FGGY: variants seen among roughly 807,000 people sequenced by gnomAD.
FGGY encodes the protein FGGY carbohydrate kinase domain-containing protein.
FGGY carries 72 observed loss-of-function variants against 71.3 expected under a neutral mutation model. That is an observed-to-expected ratio of 1.01 (90% CI 0.84 to 1.23). The LOEUF is 1.23. Among genes scored for constraint, FGGY ranks in the 50% most tolerant of loss-of-function variants. The pLI is 0.00. For missense variants in FGGY, 668 were observed against 682.3 expected (o/e 0.98, Z 0.23); for synonymous variants, 251 against 250.3 (o/e 1.00, Z -0.02).
At chr1:59,518,242 T>C (rs2094720030) in intron 7 of FGGY, among the ~76,000 whole-genome samples, 1 of 152,202 alleles carries the variant, frequency 6.6e-6, no homozygotes, top group Non-Finnish European at 1.5e-5. Flanking sequence ...GAACAACACA[T>C]AGTTTGTTCC....
At chr1:59,727,137 G>A (rs1185842830) in intron 14 of FGGY, among the ~76,000 whole-genome samples, 2 of 152,144 alleles carry the variant, frequency 1.3e-5, no homozygotes, top group African/African-American at 4.8e-5. Context: ...GTGAGAATAT[G>A]TGGTATTTGG....
chr1:59,648,753 A>G (rs984034101), intron 11 of FGGY, among the ~76,000 whole-genome samples: 7 of 151,384 alleles, frequency 4.6e-5, no homozygotes, highest in African/African-American at 1.7e-4. Context: ...CTTTAGTTTA[A>G]TTAGATCCCA....
At chr1:59,638,886 C>T (rs538512157) in intron 11 of FGGY, among the ~76,000 whole-genome samples, 3 of 152,196 alleles carry the variant, frequency 2.0e-5, no homozygotes, top group Non-Finnish European at 4.4e-5. Flanking sequence ...AAATCCTGCT[C>T]TTAGTGCCCT....
chr1:59,490,653 G>A (rs1450392472), intron 6 of FGGY, among the ~76,000 whole-genome samples: 1 of 152,082 alleles, frequency 6.6e-6, no homozygotes, highest in Non-Finnish European at 1.5e-5. Context: ...ATAGTTGCAG[G>A]TCTTGTGTTT....
chr1:59,578,117 C>T (rs1437545787), intron 8 of FGGY, among the ~76,000 whole-genome samples: 1 of 152,050 alleles, frequency 6.6e-6, no homozygotes, highest in Non-Finnish European at 1.5e-5. Context: ...ATGATTGTAT[C>T]TGAGAGAGTA....
At chr1:59,657,335 G>A (rs2097228704) in intron 11 of FGGY, among the ~76,000 whole-genome samples, 1 of 152,180 alleles carries the variant, frequency 6.6e-6, no homozygotes, top group South Asian at 2.1e-4. Flanking sequence ...CCAGAGAGAG[G>A]AAGCCAAAGG....
At chr1:59,748,613 C>A (rs972225254) in intron 14 of FGGY, among the ~76,000 whole-genome samples, 6 of 152,208 alleles carry the variant, frequency 3.9e-5, no homozygotes, top group Non-Finnish European at 8.8e-5. Flanking sequence ...TCCTGAAGTT[C>A]TAGTCCACCC....
intron 5 of FGGY, among the ~76,000 whole-genome samples, chr1:59,384,317 A>C (rs1030736051): frequency 6.6e-6 from 1 of 151,904 alleles, no homozygotes. Flanking sequence ...CTTGGGTACC[A>C]GGTTCCTCTT....
At chr1:59,556,146 C>T (rs2095682884) in intron 8 of FGGY, among the ~76,000 whole-genome samples, 1 of 152,216 alleles carries the variant, frequency 6.6e-6, no homozygotes, top group African/African-American at 2.4e-5. Flanking sequence ...CCCTTCTTTC[C>T]CTTGATATGA....
intron 4 of FGGY, among the ~76,000 whole-genome samples, chr1:59,364,197 C>G (rs2056160833): frequency 6.6e-6 from 1 of 152,190 alleles, no homozygotes; most frequent in African/African-American, 2.4e-5. Context: ...CTGCAGCCCC[C>G]CTCTCCATTG....
chr1:59,458,022 C>A (rs1055836542), intron 6 of FGGY, among the ~76,000 whole-genome samples: 11 of 152,186 alleles, frequency 7.2e-5, no homozygotes, highest in African/African-American at 2.4e-4. Flanking sequence ...AGATTAGTAA[C>A]CTTGCCTAAC....
chr1:59,394,442 G>C (rs1271328959), intron 5 of FGGY, among the ~76,000 whole-genome samples: 1 of 152,110 alleles, frequency 6.6e-6, no homozygotes, highest in Admixed American at 6.5e-5. Context: ...TGCCCACCCT[G>C]GGACTTATTG....
chr1:59,625,479 CA>C (rs2096847385), intron 9 of FGGY, among the ~76,000 whole-genome samples: 3 of 151,996 alleles, frequency 2.0e-5, no homozygotes, highest in Admixed American at 2.0e-4. Flanking sequence ...CTGAGAGTTT[CA>C]AAAAATTTTT....
intron 11 of FGGY, among the ~76,000 whole-genome samples, chr1:59,648,115 A>T (rs1389929845): frequency 1.8e-5 from 2 of 113,434 alleles, no homozygotes; most frequent in Admixed American, 8.7e-5. Flanking sequence ...TCCATGGTGT[A>T]TATGTGCCAC....
chr1:59,594,719 A>G (rs1048558366), intron 8 of FGGY, among the ~76,000 whole-genome samples: 1 of 152,232 alleles, frequency 6.6e-6, no homozygotes, highest in Non-Finnish European at 1.5e-5. Context: ...CCAAATTCTC[A>G]AATTGCCAGG....
intron 5 of FGGY, among the ~76,000 whole-genome samples, chr1:59,416,396 GA>G (rs1253405804): frequency 2.6e-5 from 4 of 151,696 alleles, no homozygotes; most frequent in Non-Finnish European, 5.9e-5. Flanking sequence ...GGGCGATAGT[GA>G]AAAAAAAGTT....
At chr1:59,426,572 C>T (rs1042410924) in intron 5 of FGGY, among the ~76,000 whole-genome samples, 2 of 152,224 alleles carry the variant, frequency 1.3e-5, no homozygotes, top group African/African-American at 2.4e-5. Context: ...AGCCTGGTCT[C>T]ACCTCAGGAG....
At chr1:59,434,580 A>T (rs2068028876) in intron 5 of FGGY, among the ~76,000 whole-genome samples, 1 of 152,214 alleles carries the variant, frequency 6.6e-6, no homozygotes, top group Non-Finnish European at 1.5e-5. Context: ...TGGCTTATAA[A>T]CAACGGAAAT....
intron 4 of FGGY, 121 bp from the exon 5 acceptor site, chr1:59,378,628 A>G (rs956532392): frequency 2.6e-6 from 2 of 765,830 alleles, no homozygotes; most frequent in African/African-American, 3.5e-5. Flanking sequence ...CAAGCTCCTG[A>G]ACAGATGTTT....
Sources: gnomAD v4.1 joint callset for allele counts (sites outside exome capture counted in the v4.1 genomes callset) on GRCh38, gnomAD v4.1.1 for gene constraint, MANE v1.5 for transcripts, NCBI Gene and HGNC (gene_info 2026-07-23, HGNC 2026-07-21) for gene names.